IGSF11: variants seen among roughly 807,000 people sequenced by gnomAD.
IGSF11 encodes the protein CXADR like 1.
Under a neutral mutation model 41.0 loss-of-function variants are expected in IGSF11, and 22 were observed. The ratio of observed to expected loss-of-function variants is 0.54; its 90% CI spans 0.38 to 0.77. IGSF11 has a LOEUF of 0.77. Among genes scored for constraint, IGSF11 ranks in the 30% least tolerant of loss-of-function variants. IGSF11 has a pLI of 0.00. For synonymous variants in IGSF11, 219 were observed against 201.3 expected (o/e 1.09, Z -0.74); for missense variants, 444 against 530.8 (o/e 0.84, Z 1.61).
rs1045199578 is a variant in IGSF11, at chr3:118,967,205, A to G, written c.53-36930T>C. On this transcript the variant is annotated intron_variant, in intron 1 of 6. Transcript: ENST00000393775. ...TATCTACCCATACATATATATATGT[A>G]CATATGTATGGAGAGAGATATATAT... 3.3e-5 allele frequency among the ~76,000 whole-genome samples: 5 copies of G among 152,122 alleles called. No individual in the cohort carries two copies. The South Asian group carries it at 1.0e-3, about 32-fold the overall frequency.
At chr3:119,084,892 G>C (rs75116418) in intron 1 of IGSF11, among the ~76,000 whole-genome samples, 1 of 152,154 alleles carries the variant, frequency 6.6e-6, no homozygotes, top group East Asian at 1.9e-4. Context: ...ATCTGTGCCC[G>C]GCACTTGAGC....
At chr3:118,942,709 C>T (rs999790502) in intron 1 of IGSF11, among the ~76,000 whole-genome samples, 1 of 152,182 alleles carries the variant, frequency 6.6e-6, no homozygotes, top group African/African-American at 2.4e-5. Context: ...TGTCTTTCTC[C>T]TTCTTCTCTC....
At chr3:118,943,845 T>C (rs898781480) in intron 1 of IGSF11, among the ~76,000 whole-genome samples, 3 of 152,328 alleles carry the variant, frequency 2.0e-5, no homozygotes, top group Middle Eastern at 3.4e-3. Context: ...ACTTCACCAC[T>C]TGGTTGAATA....
At chr3:119,073,686 G>T (rs868552875) in intron 1 of IGSF11, among the ~76,000 whole-genome samples, 4 of 152,206 alleles carry the variant, frequency 2.6e-5, no homozygotes, top group Admixed American at 6.5e-5. Flanking sequence ...GCACCGGCCG[G>T]CTGCTCCAAG....
At chr3:119,092,004 G>C (rs568436864) in intron 1 of IGSF11, among the ~76,000 whole-genome samples, 16,522 of 138,696 alleles carry the variant, frequency 0.12, 1,168 homozygotes, top group East Asian at 0.25. Context: ...GGGGGGGGGG[G>C]GTTGGTGGTT....
At chr3:119,138,601 C>T (rs2077595870) in intron 1 of IGSF11, among the ~76,000 whole-genome samples, 1 of 152,166 alleles carries the variant, frequency 6.6e-6, no homozygotes, top group Non-Finnish European at 1.5e-5. Context: ...CTGAGAATCG[C>T]TTGAACCTAG....
chr3:119,079,058 T>C (rs1348343441), intron 1 of IGSF11, among the ~76,000 whole-genome samples: 1 of 152,064 alleles, frequency 6.6e-6, no homozygotes, highest in African/African-American at 2.4e-5. Flanking sequence ...ATGACTATTA[T>C]TAAAAAGTTA....
intron 4 of IGSF11, among the ~76,000 whole-genome samples, chr3:118,916,291 A>C (rs2107501298): frequency 6.6e-6 from 1 of 152,276 alleles, no homozygotes; most frequent in Non-Finnish European, 1.5e-5. Context: ...TAAATGCTCC[A>C]ATTAAAAGAC....
intron 1 of IGSF11, among the ~76,000 whole-genome samples, chr3:119,059,581 T>C (rs1284363858): frequency 6.6e-6 from 1 of 152,180 alleles, no homozygotes; most frequent in Non-Finnish European, 1.5e-5. Flanking sequence ...AGGATACATT[T>C]ATTATTTTTC....
rs1190815729 is a variant in IGSF11 at position 119,003,401 on chromosome 3, C to T, written c.52+31130G>A. On this transcript the variant is annotated intron_variant, in intron 1 of 6. Transcript: ENST00000393775. ...GAGACGATGGGGTTTTCCAGATAAA[C>T]AATCATGTCGTCTGCAAACAGGGAC... Among the ~76,000 whole-genome samples the T allele has an allele frequency of 2.7e-5, 4 of 150,322 alleles. No individual in the cohort carries two copies. The East Asian group carries it at 7.8e-4, about 29-fold the overall frequency.
chr3:118,982,104 A>G (rs1934786374), intron 1 of IGSF11, among the ~76,000 whole-genome samples: 1 of 152,140 alleles, frequency 6.6e-6, no homozygotes, highest in African/African-American at 2.4e-5. Context: ...CTGCCAGTAT[A>G]TTCAAGTTCC....
chr3:118,997,864 TA>T (rs2107663759), intron 1 of IGSF11, among the ~76,000 whole-genome samples: 1 of 152,192 alleles, frequency 6.6e-6, no homozygotes, highest in East Asian at 1.9e-4. Context: ...AAATATTTAA[TA>T]TAATGTACTG....
At chr3:119,024,222 C>T (rs1559807290) in intron 1 of IGSF11, among the ~76,000 whole-genome samples, 1 of 152,090 alleles carries the variant, frequency 6.6e-6, no homozygotes, top group Non-Finnish European at 1.5e-5. Flanking sequence ...AAAACTTGTC[C>T]TGTTCTGAGG....
chr3:119,130,673 C>T (rs1011415287), intron 1 of IGSF11, among the ~76,000 whole-genome samples: 1 of 152,198 alleles, frequency 6.6e-6, no homozygotes, highest in Admixed American at 6.5e-5. Flanking sequence ...CAGACTTAAA[C>T]GTCCCTGTCT....
chr3:119,039,209 T>C (rs974400423), upstream of IGSF11, among the ~76,000 whole-genome samples: 1 of 152,236 alleles, frequency 6.6e-6, no homozygotes, highest in Non-Finnish European at 1.5e-5. Context: ...AAATGTGTTA[T>C]AGTTCTTGAG....
chr3:119,045,048 A>G (rs1028696548), intron 1 of IGSF11, among the ~76,000 whole-genome samples: 3 of 152,262 alleles, frequency 2.0e-5, no homozygotes, highest in Non-Finnish European at 4.4e-5. Flanking sequence ...AGTACCTCAC[A>G]TCTCAATACT....
At chr3:119,067,157 T>C (rs1241432406) in intron 1 of IGSF11, among the ~76,000 whole-genome samples, 3 of 152,212 alleles carry the variant, frequency 2.0e-5, no homozygotes, top group Non-Finnish European at 4.4e-5. Context: ...AAGCTCCAAG[T>C]AATGTTATCT....
At chr3:119,063,092 A>T (rs2107455854) in intron 1 of IGSF11, among the ~76,000 whole-genome samples, 1 of 152,312 alleles carries the variant, frequency 6.6e-6, no homozygotes, top group South Asian at 2.1e-4. Flanking sequence ...GGTACTGGTG[A>T]TAATACATTA....
intron 1 of IGSF11, among the ~76,000 whole-genome samples, chr3:118,982,648 T>C (rs1371828456): frequency 6.6e-6 from 1 of 152,166 alleles, no homozygotes; most frequent in African/African-American, 2.4e-5. Flanking sequence ...TTTCTGTTTC[T>C]TCAATAAAAT....
Sources: allele counts gnomAD v4.1 joint callset (sites outside exome capture counted in the v4.1 genomes callset), GRCh38; gene constraint gnomAD v4.1.1; transcripts MANE v1.5; gene names NCBI Gene and HGNC (gene_info 2026-07-23, HGNC 2026-07-21).